PDS5B: variants seen among roughly 807,000 people sequenced by gnomAD.
PDS5B encodes the protein PDS5 cohesin associated factor B, also known as sister chromatid cohesion protein PDS5 homolog B.
Under a neutral mutation model 184.1 loss-of-function variants are expected in PDS5B, and 51 were observed. That is an observed-to-expected ratio of 0.28 (90% CI 0.22 to 0.35). PDS5B has a LOEUF of 0.35. Among genes scored for constraint, PDS5B ranks in the 10% least tolerant of loss-of-function variants. The pLI is 1.00. For synonymous variants in PDS5B, 566 were observed against 569.2 expected, an observed-to-expected ratio of 0.99 and a Z score of 0.08; for missense variants, 1,180 against 1,723.3, an observed-to-expected ratio of 0.68 and a Z score of 5.58.
chr13:32,775,688 A>G lies in PDS5B; in HGVS notation c.*636A>G, dbSNP rs1332508332. 1 of 456,302 alleles carries G rather than the reference A, an allele frequency of 2.2e-6. No homozygotes were observed. The highest frequency in any genetic ancestry group is 6.9e-5 in the East Asian group (1 of 14,394). 28.3% of individuals were successfully genotyped at this position (456,302 alleles called of 1,614,324 possible). A position where few individuals can be genotyped will look rare whatever the true frequency, so the allele number is the denominator to read the frequency against. ...GGAGGACAACCATGCAAATTGTGAA[A>G]TAGTCCTGAAGTTCTTGGATTACTT... On this transcript the variant is annotated 3_prime_UTR_variant, in exon 35 of 35. Transcript: ENST00000315596.
chr13:32,746,714 C>T (rs916176394), intron 24 of PDS5B, among the ~76,000 whole-genome samples: 1 of 152,112 alleles, frequency 6.6e-6, no homozygotes, highest in Admixed American at 6.5e-5. Context: ...CTGAATAGAC[C>T]TCAAAAAGGA....
At chr13:32,648,074 G>A (rs1950273026) in intron 1 of PDS5B, among the ~76,000 whole-genome samples, 1 of 152,194 alleles carries the variant, frequency 6.6e-6, no homozygotes, top group African/African-American at 2.4e-5. Context: ...CTAATTACCT[G>A]TTCCTTCCCT....
At position 32,776,592 on chromosome 13, in the gene PDS5B, AC is replaced by A. The variant is rs757997332; in HGVS notation, c.*1542del. ...GCTGTTATGTTTTTTCATGGTTAACACCAGAGGGGAAAAAATCATATTCTAA... is the reference window on the plus strand; with the variant it reads ...GCTGTTATGTTTTTTCATGGTTAACACAGAGGGGAAAAAATCATATTCTAA... On this transcript the variant is annotated 3_prime_UTR_variant, in exon 35 of 35. Transcript: ENST00000315596. 3 of 152,072 alleles carry A rather than the reference AC, an allele frequency of 2.0e-5. No homozygotes were observed. Among genetic ancestry groups the A allele is most frequent in the Non-Finnish European group, 2.9e-5 (2 of 67,912 alleles). The allele number at this position is 152,072 out of a possible 1,614,324, so 9.4% of individuals were successfully genotyped here. A position where few individuals can be genotyped will look rare whatever the true frequency, so the allele number is the denominator to read the frequency against.
At chr13:32,704,299 A>T (rs1951944484) in intron 17 of PDS5B, among the ~76,000 whole-genome samples, 1 of 152,124 alleles carries the variant, frequency 6.6e-6, no homozygotes, top group Non-Finnish European at 1.5e-5. Flanking sequence ...CTTACAAGTA[A>T]CTGGGATTAC....
chr13:32,591,366 C>T (rs2057773066), intron 1 of PDS5B, among the ~76,000 whole-genome samples: 1 of 152,088 alleles, frequency 6.6e-6, no homozygotes, highest in Non-Finnish European at 1.5e-5. Context: ...ATCCGCCCGC[C>T]TCGGCCTCCC....
At chr13:32,600,007 T>G (rs1006776733) in intron 1 of PDS5B, among the ~76,000 whole-genome samples, 1 of 152,172 alleles carries the variant, frequency 6.6e-6, no homozygotes, top group Non-Finnish European at 1.5e-5. Flanking sequence ...AATTGGTCCA[T>G]GAGTATGTAT....
At chr13:32,630,696 T>C (rs953814045) in intron 1 of PDS5B, among the ~76,000 whole-genome samples, 2 of 152,144 alleles carry the variant, frequency 1.3e-5, no homozygotes, top group African/African-American at 4.8e-5. Context: ...ATTTGCATGG[T>C]TTATCATCAT....
At chr13:32,674,762 T>G (rs1292288738) in intron 8 of PDS5B, among the ~76,000 whole-genome samples, 1 of 151,928 alleles carries the variant, frequency 6.6e-6, no homozygotes, top group East Asian at 1.9e-4. Flanking sequence ...AGGTTCCGGG[T>G]GAATTTGTGG....
At chr13:32,642,284 T>C (rs1187260318) in intron 1 of PDS5B, among the ~76,000 whole-genome samples, 1 of 152,204 alleles carries the variant, frequency 6.6e-6, no homozygotes, top group Non-Finnish European at 1.5e-5. Flanking sequence ...CTACTGATAG[T>C]AGCTATTTGC....
At chr13:32,617,325 C>CAG (rs1225477180) in intron 1 of PDS5B, among the ~76,000 whole-genome samples, 2 of 152,098 alleles carry the variant, frequency 1.3e-5, no homozygotes, top group South Asian at 2.1e-4. Flanking sequence ...GTTACATTAT[C>CAG]AGAGAGAGAG....
chr13:32,595,387 A>C (rs973519849), intron 1 of PDS5B, among the ~76,000 whole-genome samples: 1 of 152,162 alleles, frequency 6.6e-6, no homozygotes, highest in Non-Finnish European at 1.5e-5. Flanking sequence ...AAAGATACAC[A>C]ATAAAAAACC....
chr13:32,707,694 C>T (rs1305748556), intron 18 of PDS5B, among the ~76,000 whole-genome samples: 2 of 139,562 alleles, frequency 1.4e-5, no homozygotes, highest in Non-Finnish European at 3.0e-5. Flanking sequence ...GCCTCATTTC[C>T]TCATATGAAA....
At chr13:32,769,287 C>A (rs1269035648) in intron 31 of PDS5B, among the ~76,000 whole-genome samples, 1 of 152,154 alleles carries the variant, frequency 6.6e-6, no homozygotes, top group African/African-American at 2.4e-5. Flanking sequence ...AGTTCACATA[C>A]AGGAAGCTCA....
intron 1 of PDS5B, among the ~76,000 whole-genome samples, chr13:32,631,798 G>A (rs1468900063): frequency 6.6e-6 from 1 of 152,180 alleles, no homozygotes; most frequent in Non-Finnish European, 1.5e-5. Context: ...TTTACAACAT[G>A]AATTGAGCAC....
rs184419643 is a variant in PDS5B at position 32,614,320 on chromosome 13, C to T, written c.-20+27727C>T. 2.7e-3 allele frequency among the ~76,000 whole-genome samples: 390 copies of T among 144,064 alleles called. 1 individual carries two copies. The highest frequency in any genetic ancestry group is 9.0e-3 in the African/African-American group (347 of 38,554). The allele number at this position is 144,064 out of a possible 152,430, so 94.5% of individuals were successfully genotyped here. On this transcript the variant is annotated intron_variant, in intron 1 of 34. Coordinates refer to ENST00000315596, the MANE Select transcript of PDS5B (RefSeq NM_015032.4). ...GAATTTTTTTTTTTTTTTTTTGAGA[C>T]GGAGTCTCACTCTGTCACCCAGGCT...
intron 3 of PDS5B, chr13:32,652,364 T>C (rs1430214247): frequency 5.8e-6 from 1 of 173,140 alleles, no homozygotes; most frequent in Non-Finnish European, 1.2e-5. Flanking sequence ...GAGTTTATAA[T>C]ATATAATCCT....
intron 19 of PDS5B, among the ~76,000 whole-genome samples, chr13:32,725,145 C>T (rs986825020): frequency 4.6e-5 from 7 of 152,018 alleles, no homozygotes; most frequent in Non-Finnish European, 1.0e-4. Context: ...TTTGGTTTCC[C>T]AGTGTTATAT....
At chr13:32,682,019 G>A (rs552034606) in intron 10 of PDS5B, among the ~76,000 whole-genome samples, 13 of 152,216 alleles carry the variant, frequency 8.5e-5, no homozygotes, top group Admixed American at 7.9e-4. Context: ...GAGATAACAT[G>A]CCTCCACAAG....
chr13:32,638,190 A>G (rs1279141991), intron 1 of PDS5B, among the ~76,000 whole-genome samples: 3 of 152,238 alleles, frequency 2.0e-5, no homozygotes, highest in African/African-American at 4.8e-5. Context: ...GCAGTAGGTA[A>G]GCTAACCCAG....
Sources: allele counts gnomAD v4.1 joint callset (sites outside exome capture counted in the v4.1 genomes callset), GRCh38; gene constraint gnomAD v4.1.1; transcripts MANE v1.5; gene names NCBI Gene and HGNC (gene_info 2026-07-23, HGNC 2026-07-21).